The following SNX29 variants were observed in gnomAD, a reference collection of about 807,000 sequenced individuals.
SNX29 encodes the protein sorting nexin 29.
SNX29 carries 78 observed loss-of-function variants against 102.1 expected under a neutral mutation model. The observed-to-expected ratio is 0.76, with a 90% CI of 0.64 to 0.92. SNX29 has a LOEUF of 0.92. SNX29 is among the 40% of genes least tolerant of loss of function. The pLI is 0.00. For missense variants in SNX29, 1,280 were observed against 1,061.7 expected, an observed-to-expected ratio of 1.21 and a Z score of -2.86; for synonymous variants, 580 against 414.5, an observed-to-expected ratio of 1.40 and a Z score of -4.85.
chr16:12,070,753 A>G (rs1303680873), intron 10 of SNX29, among the ~76,000 whole-genome samples: 2 of 152,098 alleles, frequency 1.3e-5, no homozygotes, highest in Non-Finnish European at 2.9e-5. Context: ...GAATCGCCAC[A>G]CTGACTTCCA....
chr16:12,414,791 G>C (rs922724076), intron 18 of SNX29, among the ~76,000 whole-genome samples: 2 of 152,128 alleles, frequency 1.3e-5, no homozygotes, highest in African/African-American at 4.8e-5. Flanking sequence ...GCACACTCTT[G>C]GCTTATAGCA....
chr16:12,030,695 G>A (rs756325998), intron 4 of SNX29, among the ~76,000 whole-genome samples: 12 of 152,034 alleles, frequency 7.9e-5, no homozygotes, highest in African/African-American at 7.2e-5. Context: ...CTTATTCCCC[G>A]TAACCCCACT....
chr16:12,336,340 G>T (rs1240362365), intron 15 of SNX29, among the ~76,000 whole-genome samples: 2 of 152,214 alleles, frequency 1.3e-5, no homozygotes. Flanking sequence ...TGATGGCAGA[G>T]CAGTTCTTGG....
intron 15 of SNX29, among the ~76,000 whole-genome samples, chr16:12,327,503 C>T (rs2081155258): frequency 6.6e-6 from 1 of 152,144 alleles, no homozygotes; most frequent in Admixed American, 6.5e-5. Context: ...TTCTTCTCTG[C>T]ATGACTCTGT....
Position 12,477,875 on chromosome 16 carries a change from G to T in SNX29, c.2178+16G>T. On this transcript the variant is annotated intron_variant, in intron 19 of 20. Transcript: ENST00000566228. ...TGGAAACAAGGTACCATCCCGTGCT[G>T]GGAAGCCCACTTGTCACTGCCTGCG... is the stretch of plus-strand genomic sequence containing the variant. 1 of 1,568,858 alleles carries T rather than the reference G, an allele frequency of 6.4e-7. No individual in the cohort carries two copies. Among genetic ancestry groups the T allele is most frequent in the Middle Eastern group, 1.7e-4 (1 of 5,914 alleles).
chr16:12,464,849 T>C (rs7184843), intron 18 of SNX29, among the ~76,000 whole-genome samples: 93,898 of 151,778 alleles, frequency 0.62, 30,395 homozygotes, highest in African/African-American at 0.81. Flanking sequence ...TACTATTTTC[T>C]ATGATTTACT....
chr16:12,381,848 CCATCCACT>C (rs969443099), intron 16 of SNX29, among the ~76,000 whole-genome samples: 3 of 146,252 alleles, frequency 2.1e-5, no homozygotes, highest in African/African-American at 7.6e-5. Context: ...CACCCATTAT[CCATCCACT>C]CACCCACTCA....
Position 12,356,252 on chromosome 16 carries a change from G to A in SNX29, c.1872G>A (p.Arg624=), listed in dbSNP as rs1445311197. 1 of 1,611,540 alleles carries A rather than the reference G, an allele frequency of 6.2e-7. No individual in the cohort carries two copies. The highest frequency in any genetic ancestry group is 8.5e-7 in the Non-Finnish European group (1 of 1,179,086). Residue 624 remains arginine, a synonymous_variant, in exon 16 of 21, where the codon AGG becomes AGA. Coordinates refer to ENST00000566228, the MANE Select transcript of SNX29 (RefSeq NM_032167.5). ...VAKEALVSQM[R]QELIDLRGPV... The stretch of plus-strand genomic sequence containing the variant: ...AGGAAGCCCTCGTGTCCCAGATGAG[G>A]CAGGAGCTCATCGATCTCCGGGGAC...
intron 11 of SNX29, among the ~76,000 whole-genome samples, chr16:12,124,611 T>C (rs1440158954): frequency 2.0e-5 from 3 of 152,236 alleles, no homozygotes; most frequent in African/African-American, 7.2e-5. Context: ...AACATTATTG[T>C]ACCAGAAATG....
intron 18 of SNX29, among the ~76,000 whole-genome samples, chr16:12,472,544 CAA>C (rs568390260): frequency 1.6e-4 from 18 of 115,638 alleles, no homozygotes; most frequent in African/African-American, 6.1e-4. Flanking sequence ...AAAAAAAAAA[CAA>C]AAAAAAAAAG....
At chr16:12,551,158 A>G (rs574056146) in intron 20 of SNX29, among the ~76,000 whole-genome samples, 6 of 152,070 alleles carry the variant, frequency 3.9e-5, no homozygotes, top group African/African-American at 1.4e-4. Context: ...ATCTCAGAAA[A>G]CCCTCAGTAC....
At chr16:12,538,118 G>A (rs945773109) in intron 20 of SNX29, among the ~76,000 whole-genome samples, 5 of 117,556 alleles carry the variant, frequency 4.3e-5, no homozygotes, top group South Asian at 7.4e-4. Flanking sequence ...ATTTCCCCTT[G>A]CATTTTTTTA....
chr16:12,418,738 C>T (rs4781233), intron 18 of SNX29, among the ~76,000 whole-genome samples: 1 of 151,892 alleles, frequency 6.6e-6, no homozygotes, highest in South Asian at 2.1e-4. Flanking sequence ...TGGTCTCGAC[C>T]TCCTAACCTC....
chr16:12,259,491 C>A (rs2078670627), intron 14 of SNX29, among the ~76,000 whole-genome samples: 1 of 152,164 alleles, frequency 6.6e-6, no homozygotes, highest in Non-Finnish European at 1.5e-5. Context: ...GCCCGCAGCC[C>A]CCACCTGGCT....
At chr16:12,304,101 C>G (rs1567417176) in intron 15 of SNX29, among the ~76,000 whole-genome samples, 1 of 152,102 alleles carries the variant, frequency 6.6e-6, no homozygotes, top group Non-Finnish European at 1.5e-5. Flanking sequence ...GAAATTTTTC[C>G]CAGGCCTAAG....
intron 16 of SNX29, among the ~76,000 whole-genome samples, chr16:12,397,529 C>G (rs2083764254): frequency 6.6e-6 from 1 of 152,150 alleles, no homozygotes; most frequent in Non-Finnish European, 1.5e-5. Context: ...ATTCAGTGTT[C>G]TCTTTTTTCA....
chr16:12,081,187 T>C (rs1391132843), intron 11 of SNX29: 2 of 152,148 alleles, frequency 1.3e-5, no homozygotes, highest in Non-Finnish European at 2.9e-5. Context: ...ATACCCACTC[T>C]TGTTGTTCAA....
intron 14 of SNX29, among the ~76,000 whole-genome samples, chr16:12,253,895 G>A (rs541316093): frequency 1.3e-5 from 2 of 152,156 alleles, no homozygotes; most frequent in African/African-American, 4.8e-5. Context: ...GGCACAAGGC[G>A]GTGGTGGCTG....
At chr16:12,283,153 C>T (rs1279391264) in intron 15 of SNX29, among the ~76,000 whole-genome samples, 1 of 152,144 alleles carries the variant, frequency 6.6e-6, no homozygotes, top group Admixed American at 6.5e-5. Context: ...CATTGAGCGC[C>T]TTCTCAGTGT....
Sources: gnomAD v4.1 joint callset for allele counts (sites outside exome capture counted in the v4.1 genomes callset) on GRCh38, gnomAD v4.1.1 for gene constraint, MANE v1.5 for transcripts, NCBI Gene and HGNC (gene_info 2026-07-23, HGNC 2026-07-21) for gene names.